Variants in DCAF8 observed in about 807,000 individuals in gnomAD.
The protein encoded by DCAF8 is DDB1- and CUL4-associated factor 8.
Under a neutral mutation model 68.0 loss-of-function variants are expected in DCAF8, and 20 were observed. The ratio of observed to expected loss-of-function variants is 0.29; its 90% CI spans 0.21 to 0.43. The LOEUF is 0.43. Ranked by LOEUF, DCAF8 falls within the 20% of genes least tolerant of loss-of-function variation. The probability of loss-of-function intolerance (pLI) is 1.00; values close to 1 mark genes in which losing one functional copy is unlikely to be tolerated. For synonymous variants in DCAF8, 230 were observed against 276.9 expected (o/e 0.83, Z 1.68); for missense variants, 460 against 771.0 (o/e 0.60, Z 4.78).
At chr1:160,221,817 C>CAAAAA (rs58539770) in intron 11 of DCAF8, among the ~76,000 whole-genome samples, 114 of 61,328 alleles carry the variant, frequency 1.9e-3, no homozygotes, top group East Asian at 4.9e-3. Context: ...TTCTAGGTCT[C>CAAAAA]AAAAAAAAAA....
intron 6 of DCAF8, among the ~76,000 whole-genome samples, chr1:160,234,407 C>T (rs1655800105): frequency 6.8e-6 from 1 of 147,340 alleles, no homozygotes; most frequent in African/African-American, 2.7e-5. Context: ...TTCTCCTTTA[C>T]CCCTCTTTAG....
chr1:160,222,372 C>A (rs1655329812), intron 11 of DCAF8, among the ~76,000 whole-genome samples: 2 of 152,116 alleles, frequency 1.3e-5, no homozygotes, highest in African/African-American at 2.4e-5. Flanking sequence ...AGGTGCACGT[C>A]TAGAGATAAG....
In DCAF8 at chr1:160,240,140, G is replaced by A; in HGVS notation, c.280C>T (p.Arg94Ter). 1.2e-6 allele frequency: 2 copies of A among 1,613,686 alleles called. No homozygotes were observed. The highest frequency in any genetic ancestry group is 1.7e-6 in the Non-Finnish European group (2 of 1,179,822). ...TCTTCCTCTGAGCGGTCATGGACTC[G>A]ATTTTCATCATTAATGGAGTAATGA... ...TGHYSINDEN[R>*]VHDRSEEEEE... is the part of the protein sequence containing the mutation. Residue 94 changes from arginine (R) to a stop codon, truncating the protein, a stop_gained, in exon 4 of 14, where the codon CGA (arginine) becomes TGA (stop). Transcript: ENST00000368074. LOFTEE classifies it high-confidence loss of function.
intron 2 of DCAF8, among the ~76,000 whole-genome samples, chr1:160,250,150 C>G (rs1218043739): frequency 6.6e-6 from 1 of 152,104 alleles, no homozygotes; most frequent in Non-Finnish European, 1.5e-5. Flanking sequence ...TAAATTATAC[C>G]TTAATAAACG....
chr1:160,239,525 G>A, intron 4 of DCAF8, 172 bp downstream of exon 4: 6 of 1,520,582 alleles, frequency 3.9e-6, no homozygotes, highest in Non-Finnish European at 5.3e-6. Context: ...GGAATCTAGG[G>A]TTGCCAAGAG....
At chr1:160,253,869 A>C (rs570423484) in intron 2 of DCAF8, among the ~76,000 whole-genome samples, 1 of 151,988 alleles carries the variant, frequency 6.6e-6, no homozygotes, top group Admixed American at 6.6e-5. Flanking sequence ...AGGATAGTCC[A>C]TGCTTCCAAA....
In DCAF8 at chr1:160,224,432, A is replaced by T; in HGVS notation, c.1309+10T>A. ...GCTTGGGCCAAAGAAACCTAGGAAG[A>T]CAGTCTCACCTGTGGCATTATTTCT... On this transcript the variant is annotated intron_variant, in intron 10 of 13. Transcript: ENST00000368074. 6.2e-7 allele frequency: 1 copy of T among 1,604,836 alleles called. No homozygotes were observed. The highest frequency in any genetic ancestry group is 8.5e-7 in the Non-Finnish European group (1 of 1,171,502).
chr1:160,230,876 T>G (rs1039786542), intron 7 of DCAF8, among the ~76,000 whole-genome samples: 33 of 152,198 alleles, frequency 2.2e-4, no homozygotes, highest in African/African-American at 7.5e-4. Flanking sequence ...CTCAGCCTCT[T>G]GAGCAGCTGG....
intron 2 of DCAF8, among the ~76,000 whole-genome samples, chr1:160,255,553 G>C (rs1656803600): frequency 6.6e-6 from 1 of 152,154 alleles, no homozygotes; most frequent in East Asian, 1.9e-4. Context: ...TTGAATTAAT[G>C]CCTTCTCTCC....
At chr1:160,249,629 A>AAAAT (rs1313563572) in intron 2 of DCAF8, among the ~76,000 whole-genome samples, 1 of 152,206 alleles carries the variant, frequency 6.6e-6, no homozygotes, top group Non-Finnish European at 1.5e-5. Flanking sequence ...TCCATCTTTA[A>AAAAT]AAATAAATAA....
chr1:160,249,573 G>A (rs1656496171), intron 2 of DCAF8, among the ~76,000 whole-genome samples: 1 of 152,118 alleles, frequency 6.6e-6, no homozygotes, highest in Non-Finnish European at 1.5e-5. Flanking sequence ...CAGGAGGACT[G>A]CTTGAGCCCA....
intron 2 of DCAF8, among the ~76,000 whole-genome samples, chr1:160,255,746 A>C (rs919231723): frequency 6.6e-6 from 1 of 152,010 alleles, no homozygotes; most frequent in African/African-American, 2.4e-5. Context: ...CAGCCTCCCA[A>C]GTAGCTGGGA....
rs1448530808 is a variant in DCAF8 at position 160,216,933 on chromosome 1, G to A, written c.*659C>T. 1 of 152,546 alleles carries A rather than the reference G, an allele frequency of 6.6e-6. No individual in the cohort carries two copies. Among genetic ancestry groups the A allele is most frequent in the Non-Finnish European group, 1.5e-5 (1 of 68,036 alleles). The allele number at this position is 152,546 out of a possible 1,614,324, so 9.4% of individuals were successfully genotyped here. On this transcript the variant is annotated 3_prime_UTR_variant, in exon 14 of 14. Transcript: ENST00000368074. ...CCTCCCTCACCTGACCTATTTAGGG[G>A]GTGATGGGATGAAGAGAAGAGAGTG...
At chr1:160,222,803 G>A (rs759585222) in intron 10 of DCAF8, 22 bp from the exon 11 acceptor site, 3 of 1,614,084 alleles carry the variant, frequency 1.9e-6, no homozygotes, top group East Asian at 2.2e-5. Flanking sequence ...AATGAGGGAA[G>A]AAACCACATG....
Position 160,225,579 on chromosome 1 carries a change from C to T in DCAF8, c.1143+12G>A, listed in dbSNP as rs1226760142. On this transcript the variant is annotated intron_variant, in intron 8 of 13. Coordinates refer to ENST00000368074, the MANE Select transcript of DCAF8 (RefSeq NM_015726.4). ...GGGAAGCCTGCAGCAACTGGCCCTT[C>T]ATGAATCTTACCAGGTGATGAGGAC... 2 of 1,609,868 alleles carry T rather than the reference C, an allele frequency of 1.2e-6. No individual in the cohort carries two copies. Among genetic ancestry groups the T allele is most frequent in the Admixed American group, 3.3e-5 (2 of 59,826 alleles).
chr1:160,231,061 A>G (rs1391374710), intron 7 of DCAF8, among the ~76,000 whole-genome samples: 1 of 152,044 alleles, frequency 6.6e-6, no homozygotes, highest in African/African-American at 2.4e-5. Context: ...ACCATCATCT[A>G]ACTTCTTTAA....
intron 7 of DCAF8, among the ~76,000 whole-genome samples, chr1:160,229,094 C>T (rs1410603523): frequency 2.0e-5 from 3 of 152,024 alleles, no homozygotes; most frequent in Non-Finnish European, 2.9e-5. Flanking sequence ...GAAGACAGTT[C>T]GAGACCAGCC....
At position 160,237,127 on chromosome 1, in the gene DCAF8, A is replaced by G; in HGVS notation, c.959+8T>C. ...ACAGTTCTGTAATGATATTACTGCT[A>G]CACTTACGACGCTGGGCGGTCTTGT... On this transcript the variant is annotated splice_region_variant and intron_variant, in intron 6 of 13. Coordinates refer to ENST00000368074, the MANE Select transcript of DCAF8 (RefSeq NM_015726.4). The G allele has an allele frequency of 6.5e-7, 1 of 1,548,690 alleles. No homozygotes were observed. The highest frequency in any genetic ancestry group is 8.8e-7 in the Non-Finnish European group (1 of 1,141,290).
chr1:160,235,353 C>T (rs952271082), intron 6 of DCAF8, among the ~76,000 whole-genome samples: 1 of 151,850 alleles, frequency 6.6e-6, no homozygotes, highest in Non-Finnish European at 1.5e-5. Flanking sequence ...AGGCTGGTCT[C>T]GAACTCCTGA....
Sources: allele counts gnomAD v4.1 joint callset (sites outside exome capture counted in the v4.1 genomes callset), GRCh38; gene constraint gnomAD v4.1.1; transcripts MANE v1.5; gene names NCBI Gene and HGNC (gene_info 2026-07-23, HGNC 2026-07-21).